RNFT2: variants seen among roughly 807,000 people sequenced by gnomAD.
The protein encoded by RNFT2 is E3 ubiquitin-protein ligase RNFT2.
RNFT2 carries 36 observed loss-of-function variants against 53.0 expected under a neutral mutation model. That is an observed-to-expected ratio of 0.68 (90% CI 0.52 to 0.90). The LOEUF is 0.90. Among genes scored for constraint, RNFT2 ranks in the 40% least tolerant of loss-of-function variants. The probability of loss-of-function intolerance (pLI) is 0.00; values close to 1 mark genes in which losing one functional copy is unlikely to be tolerated. For synonymous variants in RNFT2, 260 were observed against 253.2 expected (o/e 1.03, Z -0.26); for missense variants, 514 against 585.6 (o/e 0.88, Z 1.26).
At chr12:116,811,077 C>T (rs1285048072) in intron 7 of RNFT2, among the ~76,000 whole-genome samples, 1 of 152,112 alleles carries the variant, frequency 6.6e-6, no homozygotes, top group Admixed American at 6.5e-5. Context: ...CTTCTCCATG[C>T]CTCAGTTTCC....
chr12:116,796,099 G>T (rs1442361129), intron 7 of RNFT2, among the ~76,000 whole-genome samples: 2 of 151,886 alleles, frequency 1.3e-5, no homozygotes, highest in East Asian at 3.9e-4. Flanking sequence ...AGTAGAGAAG[G>T]GTTTTCACCA....
Position 116,853,286 on chromosome 12 carries a change from G to A in RNFT2, c.*3838G>A. On this transcript the variant is annotated 3_prime_UTR_variant, in exon 11 of 11. Coordinates refer to ENST00000257575, the MANE Select transcript of RNFT2 (RefSeq NM_001382266.1). ...GGGTTAATCGAGTATCAGGTTCACA[G>A]TATCCTGCCCTTATTATTTTATGAT... The A allele has an allele frequency of 2.5e-6, 1 of 398,586 alleles. No homozygotes were observed. The highest frequency in any genetic ancestry group is 4.4e-6 in the Non-Finnish European group (1 of 226,062). The allele number at this position is 398,586 out of a possible 1,614,324, so 24.7% of individuals were successfully genotyped here. A position where few individuals can be genotyped will look rare whatever the true frequency, so the allele number is the denominator to read the frequency against.
At chr12:116,750,881 T>A (rs1158626648) in intron 4 of RNFT2, among the ~76,000 whole-genome samples, 6 of 93,050 alleles carry the variant, frequency 6.4e-5, no homozygotes, top group African/African-American at 2.9e-4. Flanking sequence ...AATATATATA[T>A]TATATATATA....
At chr12:116,816,324 T>C (rs1875666611) in intron 7 of RNFT2, among the ~76,000 whole-genome samples, 1 of 152,102 alleles carries the variant, frequency 6.6e-6, no homozygotes, top group South Asian at 2.1e-4. Context: ...TGAAATTGGG[T>C]ACCCCACTGC....
intron 4 of RNFT2, among the ~76,000 whole-genome samples, chr12:116,751,982 G>T (rs539595524): frequency 6.6e-6 from 1 of 152,104 alleles, no homozygotes; most frequent in Non-Finnish European, 1.5e-5. Flanking sequence ...GTGCCCTGGC[G>T]GGCTTATACA....
intron 8 of RNFT2, 62 bp downstream of exon 8, chr12:116,834,003 C>A: frequency 6.9e-7 from 1 of 1,455,818 alleles, no homozygotes; most frequent in South Asian, 1.6e-5. Flanking sequence ...AGTCAGGCCT[C>A]AGGGGGCTCC....
At chr12:116,772,518 A>G (rs1420670414) in intron 6 of RNFT2, among the ~76,000 whole-genome samples, 1 of 150,794 alleles carries the variant, frequency 6.6e-6, no homozygotes, top group African/African-American at 2.4e-5. Flanking sequence ...TATTGGCCAG[A>G]ATGGTCTTCA....
chr12:116,814,934 CTA>C (rs1875575264), intron 7 of RNFT2, among the ~76,000 whole-genome samples: 1 of 152,128 alleles, frequency 6.6e-6, no homozygotes, highest in Admixed American at 6.5e-5. Flanking sequence ...TGGGGTTTCA[CTA>C]TGTTAGCCAG....
At chr12:116,762,720 T>C (rs1872737539) in intron 5 of RNFT2, among the ~76,000 whole-genome samples, 1 of 151,910 alleles carries the variant, frequency 6.6e-6, no homozygotes, top group Admixed American at 6.6e-5. Flanking sequence ...CAAGTGATTC[T>C]CCTGCCTCAG....
chr12:116,841,848 TATATATAAAA>T (rs1356358144), intron 10 of RNFT2, among the ~76,000 whole-genome samples: 563 of 23,608 alleles, frequency 0.024, 10 homozygotes, highest in African/African-American at 0.042. Flanking sequence ...TATATATAAA[TATATATAAAA>T]ATATATATAT....
intron 6 of RNFT2, among the ~76,000 whole-genome samples, chr12:116,771,429 C>T (rs907890421): frequency 5.0e-5 from 7 of 139,388 alleles, no homozygotes; most frequent in South Asian, 2.3e-4. Context: ...CACTGCACTC[C>T]GGCCTGGGTG....
intron 5 of RNFT2, among the ~76,000 whole-genome samples, 188 bp from the exon 6 acceptor site, chr12:116,766,626 G>T (rs1356462735): frequency 6.6e-6 from 1 of 152,132 alleles, no homozygotes; most frequent in African/African-American, 2.4e-5. Flanking sequence ...CCACCATTCT[G>T]CCACCTTCTC....
At chr12:116,823,588 G>T (rs758039300) in intron 7 of RNFT2, among the ~76,000 whole-genome samples, 1 of 152,190 alleles carries the variant, frequency 6.6e-6, no homozygotes, top group Non-Finnish European at 1.5e-5. Flanking sequence ...GGTGGCTGAG[G>T]CAGGAGAATT....
chr12:116,852,757 C>T lies in RNFT2; in HGVS notation c.*3309C>T, dbSNP rs1453438607. ...GGGAGTCAGACCTGGAATTCTGATT[C>T]CAAACTCTTTATTACTTTGGGAAGT... On this transcript the variant is annotated 3_prime_UTR_variant, in exon 11 of 11. Coordinates refer to ENST00000257575, the MANE Select transcript of RNFT2 (RefSeq NM_001382266.1). 4 of 1,589,798 alleles carry T rather than the reference C, an allele frequency of 2.5e-6. No homozygotes were observed. The highest frequency in any genetic ancestry group is 3.5e-6 in the Non-Finnish European group (4 of 1,157,996).
In RNFT2 at chr12:116,849,317, G is replaced by C. The variant is rs569048086; in HGVS notation, c.1204G>C (p.Val402Leu). ...CTGCTGATTGCTGTCCCCGCAGCAC[G>C]TGTTCTGTGAGGAGTGCCTCTGCCT... ...REPLILLCQH[V>L]FCEECLCLWL... Residue 402 changes from valine to leucine, a missense_variant, in exon 11 of 11, where the codon GTG becomes CTG. Coordinates refer to ENST00000257575, the MANE Select transcript of RNFT2 (RefSeq NM_001382266.1). 6.5e-7 allele frequency: 1 copy of C among 1,538,380 alleles called. No homozygotes were observed. The highest frequency in any genetic ancestry group is 1.4e-5 in the African/African-American group (1 of 72,970).
chr12:116,829,046 G>C (rs1182784420), intron 7 of RNFT2, among the ~76,000 whole-genome samples: 1 of 152,088 alleles, frequency 6.6e-6, no homozygotes, highest in African/African-American at 2.4e-5. Context: ...AGTTGAGAGA[G>C]GTTGGACAGT....
At chr12:116,798,966 A>C (rs1018486628) in intron 7 of RNFT2, among the ~76,000 whole-genome samples, 2 of 152,134 alleles carry the variant, frequency 1.3e-5, no homozygotes, top group Non-Finnish European at 2.9e-5. Context: ...TTATGAGTTC[A>C]CAGTTCTGTA....
chr12:116,852,587 C>T lies in RNFT2; in HGVS notation c.*3139C>T, dbSNP rs569948896. On this transcript the variant is annotated 3_prime_UTR_variant, in exon 11 of 11. Transcript: ENST00000257575. ...CTGTTCTCCCTACCCTGAGGAAAAACCAAAGGGAAGCAACAGGAACTTCTG... is the reference window on the plus strand; with the variant it reads ...CTGTTCTCCCTACCCTGAGGAAAAATCAAAGGGAAGCAACAGGAACTTCTG... The T allele has an allele frequency of 6.2e-7, 1 of 1,613,210 alleles. No homozygotes were observed.
At chr12:116,772,826 G>A (rs780108123) in intron 6 of RNFT2, among the ~76,000 whole-genome samples, 149 of 152,062 alleles carry the variant, frequency 9.8e-4, no homozygotes, top group Non-Finnish European at 1.5e-3. Context: ...CAAATGCAAG[G>A]AGCATTTCTT....
Sources: allele counts gnomAD v4.1 joint callset (sites outside exome capture counted in the v4.1 genomes callset), GRCh38; gene constraint gnomAD v4.1.1; transcripts MANE v1.5; gene names NCBI Gene and HGNC (gene_info 2026-07-23, HGNC 2026-07-21).